The following PPP2R3A variants were observed in gnomAD, a reference collection of about 807,000 sequenced individuals.
PPP2R3A encodes the protein protein phosphatase 2 regulatory subunit B''alpha, also known as serine/threonine-protein phosphatase 2A regulatory subunit B'' subunit alpha.
In PPP2R3A, 80 loss-of-function variants were observed where a neutral mutation model predicts 106.9. The observed-to-expected ratio is 0.75, with a 90% CI of 0.62 to 0.90. The LOEUF (loss-of-function observed/expected upper bound fraction) is 0.90. PPP2R3A is among the 40% of genes least tolerant of loss of function. The pLI, the probability that PPP2R3A is intolerant of heterozygous loss-of-function variation, is 0.00. For synonymous variants in PPP2R3A, 483 were observed against 468.3 expected (o/e 1.03, Z -0.41); for missense variants, 1,386 against 1,350.4 (o/e 1.03, Z -0.41).
In PPP2R3A at chr3:136,080,835, A is replaced by G. The variant is rs181527381; in HGVS notation, c.2632-1430A>G. 2.0e-5 allele frequency among the ~76,000 whole-genome samples: 3 copies of G among 152,294 alleles called. No individual in the cohort carries two copies. The East Asian group carries it at 5.8e-4, about 29-fold the overall frequency. On this transcript the variant is annotated intron_variant, in intron 7 of 13. Transcript: ENST00000264977. The stretch of plus-strand genomic sequence containing the variant: ...ATTTTTACTAGCTGCATAATTTTCT[A>G]TCCAGCAGATTTACCATAACTTAAT...
At chr3:136,132,027 T>TGAG (rs1938446337) in intron 13 of PPP2R3A, among the ~76,000 whole-genome samples, 1 of 40,250 alleles carries the variant, frequency 2.5e-5, no homozygotes, top group Non-Finnish European at 5.1e-5. Context: ...TGGGGGGGGC[T>TGAG]GGGGGAGGGA....
intron 1 of PPP2R3A, among the ~76,000 whole-genome samples, chr3:135,987,102 T>C (rs970252083): frequency 6.6e-6 from 1 of 152,202 alleles, no homozygotes; most frequent in Non-Finnish European, 1.5e-5. Context: ...TCGTTCACTT[T>C]ATCCTCCTTG....
chr3:136,028,810 T>C (rs557506334), intron 3 of PPP2R3A, among the ~76,000 whole-genome samples: 1 of 152,334 alleles, frequency 6.6e-6, no homozygotes, highest in African/African-American at 2.4e-5. Flanking sequence ...ACTACATAAA[T>C]GCCAACAGGG....
intron 12 of PPP2R3A, among the ~76,000 whole-genome samples, chr3:136,104,595 C>G (rs1253626600): frequency 6.6e-6 from 1 of 152,178 alleles, no homozygotes; most frequent in Non-Finnish European, 1.5e-5. Context: ...CGTGAGCTGG[C>G]TGTGCCCAGC....
At chr3:136,128,501 G>A (rs1436806250) in intron 13 of PPP2R3A, among the ~76,000 whole-genome samples, 1 of 152,140 alleles carries the variant, frequency 6.6e-6, no homozygotes, top group Non-Finnish European at 1.5e-5. Flanking sequence ...CAATACAGGA[G>A]CACCCAGATT....
intron 7 of PPP2R3A, among the ~76,000 whole-genome samples, chr3:136,080,806 T>C (rs1251784160): frequency 6.6e-6 from 1 of 152,214 alleles, no homozygotes; most frequent in Non-Finnish European, 1.5e-5. Flanking sequence ...GTGTAAACTT[T>C]ATAATTTTTA....
At chr3:136,134,142 C>CA (rs1938521671) in intron 13 of PPP2R3A, among the ~76,000 whole-genome samples, 1 of 152,144 alleles carries the variant, frequency 6.6e-6, no homozygotes, top group Non-Finnish European at 1.5e-5. Flanking sequence ...GGAAGACAGA[C>CA]AGATGCAGTT....
At chr3:135,979,175 T>C (rs1414994702) in intron 1 of PPP2R3A, among the ~76,000 whole-genome samples, 1 of 151,520 alleles carries the variant, frequency 6.6e-6, no homozygotes, top group Non-Finnish European at 1.5e-5. Context: ...GGTTAGGAGT[T>C]CAAGACCAGC....
intron 1 of PPP2R3A, among the ~76,000 whole-genome samples, chr3:135,978,508 T>A (rs13085127): frequency 6.6e-6 from 1 of 151,720 alleles, no homozygotes; most frequent in South Asian, 2.1e-4. Flanking sequence ...ATTGTACCCT[T>A]TAGATAGTTA....
chr3:135,979,259 A>G (rs536186033), intron 1 of PPP2R3A, among the ~76,000 whole-genome samples: 3 of 151,556 alleles, frequency 2.0e-5, no homozygotes, highest in Non-Finnish European at 4.4e-5. Flanking sequence ...CACACCTGCA[A>G]TCCCAGCTAC....
chr3:135,998,632 A>G (rs1933498175), intron 1 of PPP2R3A, among the ~76,000 whole-genome samples: 1 of 152,186 alleles, frequency 6.6e-6, no homozygotes, highest in Non-Finnish European at 1.5e-5. Flanking sequence ...ACTGTGTGGA[A>G]TATATTATAA....
chr3:136,105,660 T>A (rs1003307947), intron 12 of PPP2R3A, among the ~76,000 whole-genome samples: 4 of 151,298 alleles, frequency 2.6e-5, no homozygotes, highest in African/African-American at 9.7e-5. Flanking sequence ...CTATCTCTTT[T>A]AAAAAAAAGA....
At chr3:136,044,659 A>T (rs1409000985) in intron 4 of PPP2R3A, among the ~76,000 whole-genome samples, 1 of 152,156 alleles carries the variant, frequency 6.6e-6, no homozygotes, top group Non-Finnish European at 1.5e-5. Context: ...TACCAAGAGA[A>T]ACCAAAATAT....
chr3:136,134,840 C>T (rs1039430892), intron 13 of PPP2R3A, among the ~76,000 whole-genome samples: 3 of 152,020 alleles, frequency 2.0e-5, no homozygotes, highest in Admixed American at 6.6e-5. Flanking sequence ...CTAAAATTCA[C>T]CACCCAAAGA....
At chr3:136,042,331 G>T (rs1935315628) in intron 4 of PPP2R3A, among the ~76,000 whole-genome samples, 1 of 152,040 alleles carries the variant, frequency 6.6e-6, no homozygotes, top group Non-Finnish European at 1.5e-5. Context: ...CACACACTGG[G>T]GCCTGTTGGG....
chr3:136,092,248 T>G (rs951929853), intron 10 of PPP2R3A, among the ~76,000 whole-genome samples: 42 of 152,304 alleles, frequency 2.8e-4, no homozygotes, highest in African/African-American at 9.9e-4. Context: ...GAGAATTGCT[T>G]GAACCCAGGA....
intron 2 of PPP2R3A, among the ~76,000 whole-genome samples, chr3:136,005,822 C>A (rs570918888): frequency 2.0e-4 from 30 of 152,268 alleles, no homozygotes; most frequent in African/African-American, 7.2e-4. Context: ...CTCACAATAA[C>A]CTGTCTGCCC....
chr3:136,069,212 A>T (rs1321221379), intron 5 of PPP2R3A, among the ~76,000 whole-genome samples: 1 of 152,152 alleles, frequency 6.6e-6, no homozygotes, highest in East Asian at 1.9e-4. Context: ...ACTTGTTACC[A>T]TTAAGGGAAG....
chr3:136,069,790 T>C (rs1367159241), intron 5 of PPP2R3A, among the ~76,000 whole-genome samples: 1 of 152,198 alleles, frequency 6.6e-6, no homozygotes, highest in Non-Finnish European at 1.5e-5. Context: ...AATATTGTGA[T>C]TATCTCTATT....
Sources: gnomAD v4.1 joint callset for allele counts (sites outside exome capture counted in the v4.1 genomes callset) on GRCh38, gnomAD v4.1.1 for gene constraint, MANE v1.5 for transcripts, NCBI Gene and HGNC (gene_info 2026-07-23, HGNC 2026-07-21) for gene names.